The following SF3A3 variants were observed in gnomAD, a reference collection of about 807,000 sequenced individuals.
SF3A3 encodes splicing factor 3a subunit 3, also known as SAP 61.
SF3A3 carries 9 observed loss-of-function variants against 85.8 expected under a neutral mutation model. That is an observed-to-expected ratio of 0.10 (90% CI 0.06 to 0.18). The LOEUF is 0.18. Among genes scored for constraint, SF3A3 ranks in the 10% least tolerant of loss-of-function variants. SF3A3 has a pLI of 1.00. For synonymous variants in SF3A3, 195 were observed against 204.4 expected (o/e 0.95, Z 0.39); for missense variants, 306 against 593.3 (o/e 0.52, Z 5.03).
chr1:37,978,410 A>G (rs1008295904), intron 11 of SF3A3, among the ~76,000 whole-genome samples: 16 of 152,102 alleles, frequency 1.1e-4, no homozygotes, highest in African/African-American at 3.6e-4. Context: ...AACTTTACCA[A>G]AAATAAGCTT....
intron 15 of SF3A3, among the ~76,000 whole-genome samples, chr1:37,965,695 A>G (rs968123104): frequency 6.6e-6 from 1 of 151,922 alleles, no homozygotes; most frequent in African/African-American, 2.4e-5. Flanking sequence ...CAGAGATTGC[A>G]GTGAGCTGTG....
At position 37,982,892 on chromosome 1, in the gene SF3A3, C is replaced by T. The variant is rs891820460; in HGVS notation, c.469-1081G>A. On this transcript the variant is annotated intron_variant, in intron 6 of 16. Transcript: ENST00000373019. ...GGAGGATTGATTGAGTCCAGGAGTC[C>T]AAGACTAGCCTGGACAATACAGTGA... 7.3e-5 allele frequency among the ~76,000 whole-genome samples: 11 copies of T among 151,684 alleles called. No individual in the cohort carries two copies. In the East Asian group the frequency reaches 2.1e-3, roughly 30 times the overall value.
At chr1:37,971,511 C>A (rs1646344403) in intron 12 of SF3A3, among the ~76,000 whole-genome samples, 2 of 152,160 alleles carry the variant, frequency 1.3e-5, no homozygotes, top group Admixed American at 1.3e-4. Flanking sequence ...TTTTATGAGG[C>A]CAACATCATC....
Position 37,981,725 on chromosome 1 carries a change from C to T in SF3A3, c.551+4G>A. 6 of 1,517,984 alleles carry T rather than the reference C, an allele frequency of 4.0e-6. No homozygotes were observed. Among genetic ancestry groups the T allele is most frequent in the Non-Finnish European group, 5.5e-6 (6 of 1,095,908 alleles). 94.0% of individuals were successfully genotyped at this position (1,517,984 alleles called of 1,614,324 possible). On this transcript the variant is annotated splice_donor_region_variant and intron_variant, in intron 7 of 16. Transcript: ENST00000373019. ...GGAGAGGCCTAGAAACTATTAATGC[C>T]TACCTCTTATACTCTGCATTCTTCC...
chr1:37,984,572 T>C, intron 5 of SF3A3, 135 bp downstream of exon 5: 2 of 707,546 alleles, frequency 2.8e-6, no homozygotes, highest in Non-Finnish European at 5.0e-6. Flanking sequence ...GATGTCACTC[T>C]AGCCCAGAAA....
At position 37,983,048 on chromosome 1, in the gene SF3A3, C is replaced by G. The variant is rs559459287; in HGVS notation, c.468+1121G>C. 2.1e-4 allele frequency among the ~76,000 whole-genome samples: 32 copies of G among 151,980 alleles called. 1 individual carries two copies. In the South Asian group the frequency reaches 6.0e-3, roughly 29 times the overall value. On this transcript the variant is annotated intron_variant, in intron 6 of 16. Transcript: ENST00000373019. ...CCGCCTCCTGGGTTCAAGCGATTCT[C>G]CTGCCTCAGCCTCCTGAGTAGCTAG... is the stretch of plus-strand genomic sequence containing the variant.
At chr1:37,980,511 G>A (rs1208548297) in intron 8 of SF3A3, 75 bp downstream of exon 8, 11 of 1,500,790 alleles carry the variant, frequency 7.3e-6, no homozygotes, top group Middle Eastern at 2.5e-4. Context: ...GCCCTAAAGT[G>A]GAAGCTCAAG....
chr1:37,989,723 C>A, intron 1 of SF3A3, 128 bp from the exon 2 acceptor site: 3 of 1,261,012 alleles, frequency 2.4e-6, no homozygotes, highest in Non-Finnish European at 2.2e-6. Flanking sequence ...GGCTCCGGAC[C>A]CCGGGAGGAG....
At chr1:37,984,838 C>T (rs939485334) in intron 4 of SF3A3, 59 bp from the exon 5 acceptor site, 7 of 1,381,090 alleles carry the variant, frequency 5.1e-6, no homozygotes, top group Non-Finnish European at 7.2e-6. Flanking sequence ...GATGGATTCT[C>T]ACTCTGTGGC....
chr1:37,960,435 A>G (rs1371017374), intron 15 of SF3A3: 2 of 468,558 alleles, frequency 4.3e-6, no homozygotes, highest in Non-Finnish European at 7.7e-6. Flanking sequence ...AGAAACTGAT[A>G]CTCTTGAAGG....
chr1:37,989,683 T>C, intron 1 of SF3A3, 88 bp from the exon 2 acceptor site: 1 of 1,496,366 alleles, frequency 6.7e-7, no homozygotes, highest in Non-Finnish European at 9.1e-7. Context: ...CCCGCTCAGC[T>C]TTTACCAGCT....
chr1:37,967,805 G>A (rs183323758), intron 15 of SF3A3, among the ~76,000 whole-genome samples: 75 of 151,374 alleles, frequency 5.0e-4, no homozygotes, highest in Middle Eastern at 3.5e-3. Flanking sequence ...GGTTGCAGTG[G>A]GCCAAGACTG....
At chr1:37,983,174 G>C (rs1218627486) in intron 6 of SF3A3, among the ~76,000 whole-genome samples, 1 of 149,522 alleles carries the variant, frequency 6.7e-6, no homozygotes, top group Non-Finnish European at 1.5e-5. Context: ...CTGACCCCAG[G>C]TGATCTGCCC....
chr1:37,964,375 C>T (rs1303129170), intron 15 of SF3A3, among the ~76,000 whole-genome samples: 1 of 152,144 alleles, frequency 6.6e-6, no homozygotes, highest in African/African-American at 2.4e-5. Context: ...GAAGCCAAGG[C>T]AGGCAAGTCA....
rs201677959 is a variant in SF3A3 at position 37,984,113 on chromosome 1, T to G, written c.468+56A>C. On this transcript the variant is annotated intron_variant, in intron 6 of 16. Transcript: ENST00000373019. ...GGCTTCATGTCTGCTAGTTCCAGCC[T>G]ACTGTCCTGACTCACTTCGAGAATC... 18 of 914,412 alleles carry G rather than the reference T, an allele frequency of 2.0e-5. No homozygotes were observed. In the East Asian group the frequency reaches 4.5e-4, roughly 23 times the overall value. 56.6% of individuals were successfully genotyped at this position (914,412 alleles called of 1,614,324 possible).
intron 12 of SF3A3, among the ~76,000 whole-genome samples, chr1:37,974,476 A>G (rs1424264882): frequency 6.6e-6 from 1 of 151,818 alleles, no homozygotes; most frequent in Non-Finnish European, 1.5e-5. Flanking sequence ...CTAATTTTTT[A>G]TACTTTTAGT....
intron 15 of SF3A3, among the ~76,000 whole-genome samples, chr1:37,967,716 C>T (rs1646312585): frequency 8.1e-6 from 1 of 123,830 alleles, no homozygotes; most frequent in Admixed American, 8.7e-5. Context: ...AAAAATTAGC[C>T]AGGTGTGGTG....
chr1:37,965,578 A>G (rs1646293638), intron 15 of SF3A3, among the ~76,000 whole-genome samples: 1 of 152,188 alleles, frequency 6.6e-6, no homozygotes, highest in South Asian at 2.1e-4. Context: ...ACATGGTGAC[A>G]CACCATCTTT....
chr1:37,965,680 G>C (rs1403753021), intron 15 of SF3A3, among the ~76,000 whole-genome samples: 1 of 151,832 alleles, frequency 6.6e-6, no homozygotes, highest in Admixed American at 6.6e-5. Flanking sequence ...CTTGAGCCTG[G>C]GAGGCAGAGA....
Sources: allele counts gnomAD v4.1 joint callset (sites outside exome capture counted in the v4.1 genomes callset), GRCh38; gene constraint gnomAD v4.1.1; transcripts MANE v1.5; gene names NCBI Gene and HGNC (gene_info 2026-07-23, HGNC 2026-07-21).